The following CDC40 variants were observed in gnomAD, a reference collection of about 807,000 sequenced individuals.
The protein encoded by CDC40 is pre-mRNA-processing factor 17.
Under a neutral mutation model 80.6 loss-of-function variants are expected in CDC40, and 27 were observed. That is an observed-to-expected ratio of 0.33 (90% confidence interval 0.25 to 0.46). The LOEUF is 0.46. Ranked by LOEUF, CDC40 falls within the 20% of genes least tolerant of loss-of-function variation. The pLI is 1.00. For missense variants in CDC40, 486 were observed against 694.1 expected (o/e 0.70, Z 3.37); for synonymous variants, 221 against 232.6 (o/e 0.95, Z 0.45).
chr6:110,187,572 T>G (rs1006908718), intron 1 of CDC40, among the ~76,000 whole-genome samples: 1 of 152,160 alleles, frequency 6.6e-6, no homozygotes, highest in Non-Finnish European at 1.5e-5. Context: ...ATTCTTCTAT[T>G]AGGAAGTTTA....
intron 2 of CDC40, among the ~76,000 whole-genome samples, chr6:110,196,371 G>T (rs1364058350): frequency 6.6e-6 from 1 of 152,092 alleles, no homozygotes; most frequent in Non-Finnish European, 1.5e-5. Context: ...TGTCTAGCTG[G>T]TTATATAGAT....
At chr6:110,202,528 A>G (rs188870999) in intron 3 of CDC40, among the ~76,000 whole-genome samples, 187 of 152,324 alleles carry the variant, frequency 1.2e-3, no homozygotes, top group Non-Finnish European at 2.2e-3. Flanking sequence ...ACCTTAAGCA[A>G]TAATTTAGTT....
chr6:110,211,998 A>G (rs1777643074), intron 6 of CDC40, 135 bp from the exon 7 acceptor site: 2 of 648,580 alleles, frequency 3.1e-6, no homozygotes, highest in Non-Finnish European at 5.3e-6. Context: ...CATGATCTTG[A>G]CATCATTGGA....
chr6:110,192,470 C>G (rs1458383159), intron 1 of CDC40, among the ~76,000 whole-genome samples: 2 of 152,132 alleles, frequency 1.3e-5, no homozygotes, highest in Admixed American at 6.5e-5. Flanking sequence ...CACGAGCTCC[C>G]TTTTGGATAT....
intron 14 of CDC40, 36 bp downstream of exon 14, chr6:110,229,012 A>T: frequency 6.6e-7 from 1 of 1,514,926 alleles, no homozygotes; most frequent in Non-Finnish European, 9.0e-7. Flanking sequence ...CTCGTATTCA[A>T]ATATGATTAT....
intron 13 of CDC40, among the ~76,000 whole-genome samples, chr6:110,226,970 TG>T (rs1777871515): frequency 6.6e-6 from 1 of 151,970 alleles, no homozygotes; most frequent in Admixed American, 6.6e-5. Context: ...ATCATGTGAC[TG>T]TACTCCAGCC....
intron 4 of CDC40, among the ~76,000 whole-genome samples, chr6:110,207,868 A>C (rs748819127): frequency 2.6e-5 from 4 of 152,228 alleles, no homozygotes; most frequent in African/African-American, 7.2e-5. Context: ...CCCTGTAGAA[A>C]TCACTCAATA....
At chr6:110,214,569 G>A (rs192794614) in intron 8 of CDC40, among the ~76,000 whole-genome samples, 98 of 152,260 alleles carry the variant, frequency 6.4e-4, no homozygotes, top group Non-Finnish European at 1.2e-3. Context: ...AGGAATGATT[G>A]CAGTCATGAG....
At chr6:110,200,688 T>C (rs1012523969) in intron 2 of CDC40, among the ~76,000 whole-genome samples, 2 of 152,202 alleles carry the variant, frequency 1.3e-5, no homozygotes, top group Non-Finnish European at 1.5e-5. Context: ...CTGCTGTTTG[T>C]TCTAGCCCTG....
chr6:110,191,850 AT>A (rs139017250), intron 1 of CDC40, among the ~76,000 whole-genome samples: 289 of 152,344 alleles, frequency 1.9e-3, no homozygotes, highest in African/African-American at 6.4e-3. Context: ...CAGCAATGTT[AT>A]AATACTGACT....
chr6:110,197,403 A>G (rs898538518), intron 2 of CDC40, among the ~76,000 whole-genome samples: 1 of 152,206 alleles, frequency 6.6e-6, no homozygotes, highest in African/African-American at 2.4e-5. Flanking sequence ...TAATTAACAT[A>G]TGCATTACTT....
intron 2 of CDC40, among the ~76,000 whole-genome samples, chr6:110,199,551 G>A (rs964299325): frequency 2.0e-5 from 3 of 147,858 alleles, no homozygotes; most frequent in Non-Finnish European, 4.5e-5. Flanking sequence ...CTGAGATTGC[G>A]CCACTGCACT....
At chr6:110,185,528 C>A (rs930615606) in intron 1 of CDC40, among the ~76,000 whole-genome samples, 2 of 152,058 alleles carry the variant, frequency 1.3e-5, no homozygotes, top group Non-Finnish European at 2.9e-5. Context: ...TTTTCTTAAC[C>A]CTTTAAAGAT....
At chr6:110,224,934 C>T (rs986400321) in intron 12 of CDC40, among the ~76,000 whole-genome samples, 7 of 152,144 alleles carry the variant, frequency 4.6e-5, no homozygotes, top group African/African-American at 7.2e-5. Context: ...ACTAACAATA[C>T]GAGGAGGGAA....
chr6:110,224,736 G>A (rs1777829146), intron 12 of CDC40, among the ~76,000 whole-genome samples: 1 of 152,162 alleles, frequency 6.6e-6, no homozygotes. Flanking sequence ...ATTTTTGCTA[G>A]AAATAATGAA....
chr6:110,220,647 G>A (rs1018461933), intron 12 of CDC40, among the ~76,000 whole-genome samples: 6 of 151,956 alleles, frequency 3.9e-5, no homozygotes, highest in African/African-American at 7.3e-5. Flanking sequence ...GGGTTTCACT[G>A]TGTTAGCCAG....
At chr6:110,216,127 G>A (rs554015632) in intron 9 of CDC40, among the ~76,000 whole-genome samples, 2 of 152,270 alleles carry the variant, frequency 1.3e-5, no homozygotes, top group South Asian at 4.1e-4. Context: ...GAGAGACTGG[G>A]AATTGACAGC....
intron 4 of CDC40, among the ~76,000 whole-genome samples, chr6:110,208,466 A>G (rs1777591763): frequency 2.6e-5 from 4 of 152,250 alleles, no homozygotes; most frequent in African/African-American, 9.6e-5. Context: ...TCAACCAGAA[A>G]CACCCTCCTT....
chr6:110,226,409 T>C (rs1777860904), intron 13 of CDC40, among the ~76,000 whole-genome samples, 166 bp downstream of exon 13: 1 of 152,234 alleles, frequency 6.6e-6, no homozygotes, highest in Non-Finnish European at 1.5e-5. Context: ...GGTTTTCATA[T>C]GCAAGTCACC....
Sources: gnomAD v4.1 joint callset for allele counts (sites outside exome capture counted in the v4.1 genomes callset) on GRCh38, gnomAD v4.1.1 for gene constraint, MANE v1.5 for transcripts, NCBI Gene and HGNC (gene_info 2026-07-23, HGNC 2026-07-21) for gene names.